Variants in SFI1 observed in about 807,000 individuals in gnomAD.
SFI1 encodes SFI1 centrin binding protein, also known as protein SFI1 homolog.
In SFI1, 195 loss-of-function variants were observed where a neutral mutation model predicts 207.5. That is an observed-to-expected ratio of 0.94 (90% confidence interval 0.84 to 1.06). SFI1 has a LOEUF of 1.06. Ranked by LOEUF, SFI1 falls within the 50% of genes least tolerant of loss-of-function variation. The pLI, the probability that SFI1 is intolerant of heterozygous loss-of-function variation, is 0.00. For missense variants in SFI1, 1,634 were observed against 1,588.0 expected, an observed-to-expected ratio of 1.03 and a Z score of -0.49; for synonymous variants, 630 against 598.9, an observed-to-expected ratio of 1.05 and a Z score of -0.76.
intron 24 of SFI1, chr22:31,612,426 T>TATATATATATATATATATATATATATAA (rs1491348905): frequency 4.0e-5 from 4 of 99,930 alleles, no homozygotes; most frequent in East Asian, 4.9e-4. Context: ...TATATATATA[T>TATATATATATATATATATATATATATAA]AATCAGTGGG....
intron 5 of SFI1, among the ~76,000 whole-genome samples, chr22:31,548,867 T>C (rs1415355357): frequency 6.6e-6 from 1 of 151,208 alleles, no homozygotes; most frequent in East Asian, 1.9e-4. Context: ...ACTAGGAAAA[T>C]ATGAAGAGAT....
chr22:31,515,195 CTT>C (rs2056311554), intron 2 of SFI1, among the ~76,000 whole-genome samples: 3 of 152,074 alleles, frequency 2.0e-5, no homozygotes, highest in African/African-American at 7.3e-5. Flanking sequence ...TTATGGGAAT[CTT>C]CAATTTTGCT....
chr22:31,522,322 T>C (rs893628656), intron 2 of SFI1, among the ~76,000 whole-genome samples: 1 of 151,906 alleles, frequency 6.6e-6, no homozygotes, highest in Non-Finnish European at 1.5e-5. Flanking sequence ...CCTCCCAAAG[T>C]GGTAGGATTA....
rs561605826 is a variant in SFI1, at chr22:31,604,491, C to G, written c.1977+87C>G. 10 of 1,209,024 alleles carry G rather than the reference C, an allele frequency of 8.3e-6. No homozygotes were observed. The African/African-American group carries it at 1.5e-4, about 18-fold the overall frequency. 74.9% of individuals were successfully genotyped at this position (1,209,024 alleles called of 1,614,324 possible). ...TGTTTTCCTTCCTTGTTCTTCCTGT[C>G]CGTCCCAGAACAGAGTCACGTGACA... On this transcript the variant is annotated intron_variant, in intron 19 of 32. Coordinates refer to ENST00000400288, the MANE Select transcript of SFI1 (RefSeq NM_001007467.3).
chr22:31,558,266 C>T (rs2061359263), intron 7 of SFI1, among the ~76,000 whole-genome samples: 1 of 152,142 alleles, frequency 6.6e-6, no homozygotes, highest in South Asian at 2.1e-4. Context: ...GTAGTTCAAA[C>T]CTGTAATCCC....
At chr22:31,571,756 A>G (rs2062977592) in intron 8 of SFI1, among the ~76,000 whole-genome samples, 1 of 152,214 alleles carries the variant, frequency 6.6e-6, no homozygotes, top group African/African-American at 2.4e-5. Flanking sequence ...CCACATAACC[A>G]TAATATCATT....
At chr22:31,616,609 G>A in intron 29 of SFI1, 136 bp from the exon 30 acceptor site, 1 of 931,290 alleles carries the variant, frequency 1.1e-6, no homozygotes, top group Admixed American at 2.7e-5. Context: ...CCAGTGCCTG[G>A]GAAGCCCAGC....
rs945744699 is a variant in SFI1, at chr22:31,533,840, CTT to C, written c.338+2716_338+2717del. 1.1e-4 allele frequency among the ~76,000 whole-genome samples: 15 copies of C among 134,244 alleles called. No individual in the cohort carries two copies. The South Asian group carries it at 1.9e-3, about 17-fold the overall frequency. The allele number at this position is 134,244 out of a possible 152,430, so 88.1% of individuals were successfully genotyped here. On this transcript the variant is annotated intron_variant, in intron 4 of 32. Transcript: ENST00000400288. ...TAAATTGCTATTGTCAGAATTCTCT[CTT>C]TTTTGTTTAATTTATTGCATATTCT...
chr22:31,594,214 A>G (rs1298198687), intron 15 of SFI1, among the ~76,000 whole-genome samples: 1 of 152,160 alleles, frequency 6.6e-6, no homozygotes, highest in Non-Finnish European at 1.5e-5. Flanking sequence ...GTTCTGCTAG[A>G]CCTGGCTTTT....
chr22:31,513,190 G>T (rs948862309), intron 2 of SFI1, among the ~76,000 whole-genome samples: 1 of 151,682 alleles, frequency 6.6e-6, no homozygotes, highest in African/African-American at 2.4e-5. Flanking sequence ...ACAGGGTCTC[G>T]CTTTGTTGCC....
intron 6 of SFI1, among the ~76,000 whole-genome samples, chr22:31,552,846 CT>C (rs920931699): frequency 1.1e-4 from 16 of 146,806 alleles, no homozygotes; most frequent in South Asian, 2.2e-4. Flanking sequence ...TGTTATTAAA[CT>C]TTTTTTTTTT....
chr22:31,548,702 G>T (rs1230585971), intron 5 of SFI1, among the ~76,000 whole-genome samples: 6 of 151,644 alleles, frequency 4.0e-5, no homozygotes, highest in African/African-American at 1.5e-4. Flanking sequence ...CCAGCCACTC[G>T]GGAGGCTGAG....
At chr22:31,508,219 T>C in intron 1 of SFI1, 36 bp from the exon 2 acceptor site, 1 of 1,274,268 alleles carries the variant, frequency 7.8e-7, no homozygotes, top group Non-Finnish European at 1.1e-6. Flanking sequence ...AGGCTGCAAA[T>C]CATTTTCTCT....
At chr22:31,556,159 C>T (rs1184678540) in intron 6 of SFI1, among the ~76,000 whole-genome samples, 1 of 127,456 alleles carries the variant, frequency 7.8e-6, no homozygotes, top group Admixed American at 7.5e-5. Context: ...ATCATGATTT[C>T]TTCTTCTTTA....
intron 4 of SFI1, among the ~76,000 whole-genome samples, chr22:31,541,644 T>G (rs1454752246): frequency 6.7e-6 from 1 of 148,896 alleles, no homozygotes; most frequent in Non-Finnish European, 1.5e-5. Flanking sequence ...CTCAGGAGGC[T>G]GAGGCAGGAG....
chr22:31,512,579 A>G lies in SFI1; in HGVS notation c.92+4203A>G, dbSNP rs376246584. 5.3e-5 allele frequency among the ~76,000 whole-genome samples: 8 copies of G among 150,888 alleles called. No homozygotes were observed. In the East Asian group the frequency reaches 1.6e-3, roughly 30 times the overall value. ...TCGCCCAGGCTGGAGTTGCAATGGC[A>G]CAATCTTGGCTCACTGCAACCTCCA... On this transcript the variant is annotated intron_variant, in intron 2 of 32. Coordinates refer to ENST00000400288, the MANE Select transcript of SFI1 (RefSeq NM_001007467.3).
At position 31,536,418 on chromosome 22, in the gene SFI1, A is replaced by T. The variant is rs555300518; in HGVS notation, c.338+5289A>T. ...TTCCTAAAATCCGTTTTATTTATTT[A>T]TTTATTTTTTGAGACGAAGTTTTGC... On this transcript the variant is annotated intron_variant, in intron 4 of 32. Coordinates refer to ENST00000400288, the MANE Select transcript of SFI1 (RefSeq NM_001007467.3). Among the ~76,000 whole-genome samples the T allele has an allele frequency of 2.0e-5, 3 of 152,166 alleles. No individual in the cohort carries two copies. The East Asian group carries it at 5.8e-4, about 29-fold the overall frequency.
At chr22:31,560,824 C>G (rs9784236) in intron 7 of SFI1, among the ~76,000 whole-genome samples, 15,070 of 151,968 alleles carry the variant, frequency 0.099, 876 homozygotes, top group Admixed American at 0.16. Context: ...GCCTCAGCCT[C>G]CCGAGTAGCT....
Position 31,613,495 on chromosome 22 carries a change from TCCCGGCAGCAGCTGCAGG to T in SFI1, c.2711_2728del (p.Arg904_Ala909del), listed in dbSNP as rs559697866. The T allele has an allele frequency of 4.7e-4, 754 of 1,595,912 alleles. 12 individuals are homozygous for T. In the South Asian group the frequency reaches 8.0e-3, roughly 17 times the overall value. ...GCGCTTTGCAGCCAGCATGAAGGCCTCCCGGCAGCAGCTGCAGGCCCAGCAGCAGGTCCAGGTAGGCCC... is the reference window on the plus strand; with the variant it reads ...GCGCTTTGCAGCCAGCATGAAGGCCTCCCAGCAGCAGGTCCAGGTAGGCCC... On this transcript the variant is annotated inframe_deletion, in exon 26 of 33. Transcript: ENST00000400288.
Sources: allele counts gnomAD v4.1 joint callset (sites outside exome capture counted in the v4.1 genomes callset), GRCh38; gene constraint gnomAD v4.1.1; transcripts MANE v1.5; gene names NCBI Gene and HGNC (gene_info 2026-07-23, HGNC 2026-07-21).